Variants in TRIOBP observed in about 807,000 individuals in gnomAD.
The protein encoded by TRIOBP is TRIO and F-actin binding protein, also known as TRIO and F-actin-binding protein.
A neutral mutation model predicts 238.8 loss-of-function variants in TRIOBP; 169 were observed. The ratio of observed to expected loss-of-function variants is 0.71; its 90% CI spans 0.62 to 0.80. The LOEUF (loss-of-function observed/expected upper bound fraction) is 0.80. TRIOBP is among the 30% of genes least tolerant of loss of function. The pLI, the probability that TRIOBP is intolerant of heterozygous loss-of-function variation, is 0.00. For synonymous variants in TRIOBP, 1,150 were observed against 1,274.4 expected, an observed-to-expected ratio of 0.90 and a Z score of 2.08; for missense variants, 2,838 against 3,122.6, an observed-to-expected ratio of 0.91 and a Z score of 2.17.
chr22:37,734,259 AC>A (rs1924553365), intron 8 of TRIOBP, 139 bp from the exon 9 acceptor site: 1 of 779,508 alleles, frequency 1.3e-6, no homozygotes, highest in South Asian at 1.5e-5. Flanking sequence ...TGGGGCAGAG[AC>A]CCTGTGTACT....
intron 12 of TRIOBP, among the ~76,000 whole-genome samples, chr22:37,753,675 T>A (rs902267461): frequency 6.6e-6 from 1 of 152,212 alleles, no homozygotes; most frequent in Non-Finnish European, 1.5e-5. Context: ...GAAAGGGAAC[T>A]CTTGGATACA....
chr22:37,705,177 C>A (rs1442610700), intron 3 of TRIOBP, among the ~76,000 whole-genome samples: 1 of 152,080 alleles, frequency 6.6e-6, no homozygotes. Context: ...GAGTTCAAGA[C>A]CACCCTGGCC....
chr22:37,710,814 T>A (rs1046976984), intron 4 of TRIOBP, among the ~76,000 whole-genome samples: 1 of 152,112 alleles, frequency 6.6e-6, no homozygotes, highest in Non-Finnish European at 1.5e-5. Context: ...CCTGGCTGTC[T>A]CTCCCAGGGG....
intron 11 of TRIOBP, among the ~76,000 whole-genome samples, chr22:37,745,433 T>C (rs1214337444): frequency 6.6e-6 from 1 of 151,672 alleles, no homozygotes; most frequent in African/African-American, 2.4e-5. Context: ...AACTTCCTAG[T>C]GCATTTAGCA....
intron 21 of TRIOBP, among the ~76,000 whole-genome samples, 187 bp downstream of exon 21, chr22:37,769,562 T>C (rs1047826752): frequency 1.3e-5 from 2 of 152,208 alleles, no homozygotes; most frequent in African/African-American, 4.8e-5. Flanking sequence ...CCCACCTGCA[T>C]TGTGTCACCT....
chr22:37,722,427 C>CA (rs35646436), intron 6 of TRIOBP, among the ~76,000 whole-genome samples: 34,815 of 94,048 alleles, frequency 0.37, 5,472 homozygotes, highest in South Asian at 0.54. Flanking sequence ...GACTCTGTCT[C>CA]AAAAAAAAAA....
At position 37,716,015 on chromosome 22, in the gene TRIOBP, CTG is replaced by C. The variant is rs573495788; in HGVS notation, c.628+82_628+83del. The C allele has an allele frequency of 9.3e-6, 14 of 1,503,368 alleles. No homozygotes were observed. In the East Asian group the frequency reaches 2.8e-4, roughly 30 times the overall value. The allele number at this position is 1,503,368 out of a possible 1,614,324, so 93.1% of individuals were successfully genotyped here. ...GCCATCTCACTGGCCATTTGGGACT[CTG>C]GGCACGGCTTACTTTGGTGGCCTGA... On this transcript the variant is annotated intron_variant, in intron 6 of 23. Coordinates refer to ENST00000644935, the MANE Select transcript of TRIOBP (RefSeq NM_001039141.3).
chr22:37,724,650 A>G lies in TRIOBP; in HGVS notation c.2094A>G (p.Thr698=). 4 of 1,609,218 alleles carry G rather than the reference A, an allele frequency of 2.5e-6. No homozygotes were observed. Among genetic ancestry groups the G allele is most frequent in the Non-Finnish European group, 3.4e-6 (4 of 1,178,222 alleles). The change falls in exon 7 of 24, where the codon ACA becomes ACG. Residue 698 remains threonine (T), a synonymous_variant. Transcript: ENST00000644935. ...CCATCCAACAAGAGAACCCCAGAAC[A>G]TCCTGTGCCCAACGGGACGATCCCA... ...SRTIQQENPR[T]SCAQRDDPRA...
chr22:37,769,170 C>T lies in TRIOBP; in HGVS notation c.6718C>T (p.Leu2240=), dbSNP rs750613971. The change falls in exon 20 of 24, where the codon CTG becomes TTG. Residue 2240 remains leucine, a synonymous_variant. Transcript: ENST00000644935. ...CCGCTGCCAGCAGGAGGGCCAGGAGCTGCTGCGCCACAACCAGGTGGGCCT... is the reference window on the plus strand; with the variant it reads ...CCGCTGCCAGCAGGAGGGCCAGGAGTTGCTGCGCCACAACCAGGTGGGCCT... ...LRRCQQEGQE[L]LRHNQELHGR... is the part of the protein sequence containing the mutation. 1 of 1,609,688 alleles carries T rather than the reference C, an allele frequency of 6.2e-7. No individual in the cohort carries two copies. Among genetic ancestry groups the T allele is most frequent in the Non-Finnish European group, 8.5e-7 (1 of 1,178,464 alleles).
At chr22:37,701,179 ACCCAAAGGAATGGATGAGT>A in intron 2 of TRIOBP, 108 bp from the exon 3 acceptor site, 2 of 586,038 alleles carry the variant, frequency 3.4e-6, no homozygotes, top group Non-Finnish European at 6.2e-6. Context: ...GAGAACAGGA[ACCCAAAGGAATGGATGAGT>A]AACCTTATTT....
chr22:37,733,566 A>T (rs1209771246), intron 8 of TRIOBP, among the ~76,000 whole-genome samples, 154 bp downstream of exon 8: 2 of 151,970 alleles, frequency 1.3e-5, no homozygotes, highest in East Asian at 3.9e-4. Flanking sequence ...CCTCTCCCCA[A>T]CGGCCAGCAG....
chr22:37,723,380 T>A lies in TRIOBP; in HGVS notation c.824T>A (p.Ile275Asn). Reference sequence around the variant, plus strand: ...GCTCAGGCTGCCTCTACACGTGAAATCCCCAGAGCCTCCTCTCCCCATCGA... The same window carrying A: ...GCTCAGGCTGCCTCTACACGTGAAAACCCCAGAGCCTCCTCTCCCCATCGA... Reference protein sequence around the residue: ...DTAQAASTREIPRASSPHRIT... With the variant: ...DTAQAASTRENPRASSPHRIT... The change falls in exon 7 of 24, where the codon ATC becomes AAC. Residue 275 changes from isoleucine to asparagine, a missense_variant. By Grantham distance (149) the Ile-to-Asn change is moderately radical (BLOSUM62 -3). Coordinates refer to ENST00000644935, the MANE Select transcript of TRIOBP (RefSeq NM_001039141.3). The A allele has an allele frequency of 6.2e-7, 1 of 1,613,476 alleles. No homozygotes were observed. Among genetic ancestry groups the A allele is most frequent in the East Asian group, 2.2e-5 (1 of 44,868 alleles).
At chr22:37,759,781 C>CT in intron 17 of TRIOBP, 1 of 1,373,110 alleles carries the variant, frequency 7.3e-7, no homozygotes, top group East Asian at 2.9e-5. Flanking sequence ...TTTTGTCCCC[C>CT]TTGGGGACAT....
intron 10 of TRIOBP, among the ~76,000 whole-genome samples, chr22:37,739,915 C>A (rs1400360037): frequency 2.0e-5 from 3 of 152,230 alleles, no homozygotes; most frequent in Non-Finnish European, 4.4e-5. Context: ...ATATCTCAAC[C>A]TACCCCCACC....
chr22:37,740,970 G>A lies in TRIOBP; in HGVS notation c.5260G>A (p.Gly1754Arg), dbSNP rs1182991728. 13 of 1,561,790 alleles carry A rather than the reference G, an allele frequency of 8.3e-6. No homozygotes were observed. In the South Asian group the frequency reaches 9.4e-5, roughly 11 times the overall value. Reference protein sequence around the residue: ...GRLVTSWRMPGDRPTLFNPFL... With the variant: ...GRLVTSWRMPRDRPTLFNPFL... ...ACTGGTGACCTCATGGCGGATGCCC[G>A]GGGACCGGCCCACGCTGTTCAATCC... The change falls in exon 11 of 24, where the codon GGG (glycine) becomes AGG (arginine). Residue 1754 changes from glycine (G) to arginine (R), a missense_variant. Around this residue, in one of 5 missense-constraint regions of TRIOBP, gnomAD observed 2,096 missense variants for 2,137.4 expected, o/e 0.98. Coordinates refer to ENST00000644935, the MANE Select transcript of TRIOBP (RefSeq NM_001039141.3).
At chr22:37,756,369 G>A (rs1347515749) in intron 15 of TRIOBP, among the ~76,000 whole-genome samples, 1 of 152,120 alleles carries the variant, frequency 6.6e-6, no homozygotes, top group African/African-American at 2.4e-5. Context: ...ACCTGAGCCC[G>A]GAGGCCGAGT....
At chr22:37,754,817 G>C in intron 12 of TRIOBP, 60 bp from the exon 13 acceptor site, 1 of 1,556,304 alleles carries the variant, frequency 6.4e-7, no homozygotes, top group Non-Finnish European at 8.9e-7. Context: ...GAGTTTGGCA[G>C]CCACACAGGA....
At chr22:37,770,235 A>G (rs963269734) in intron 21 of TRIOBP, among the ~76,000 whole-genome samples, 19 of 148,934 alleles carry the variant, frequency 1.3e-4, no homozygotes, top group African/African-American at 2.5e-5. Context: ...TAGGAGATCA[A>G]GACCATCCTG....
Position 37,769,318 on chromosome 22 carries a change from G to A in TRIOBP, c.6792G>A (p.Ser2264=), listed in dbSNP as rs371118329. ...ACCAGCTGCGCGGCTTCATTGCCTC[G>A]CAGGGCATGGGCAATGGCTGCGGGC... ...EIDQLRGFIA[S]QGMGNGCGRS... Residue 2264 remains serine (S), a synonymous_variant, in exon 21 of 24, where the codon TCG becomes TCA. Transcript: ENST00000644935. 3.4e-4 allele frequency: 556 copies of A among 1,611,732 alleles called. 1 individual carries two copies. Among genetic ancestry groups the A allele is most frequent in the South Asian group, 7.2e-4 (65 of 90,790 alleles).
Sources: allele counts gnomAD v4.1 joint callset (sites outside exome capture counted in the v4.1 genomes callset), GRCh38; gene constraint gnomAD v4.1.1; regional missense constraint gnomAD v4.1.1; transcripts MANE v1.5; gene names NCBI Gene and HGNC (gene_info 2026-07-23, HGNC 2026-07-21).